SFTPD: variants seen among roughly 807,000 people sequenced by gnomAD.
SFTPD encodes surfactant protein D.
In SFTPD, 18 loss-of-function variants were observed where a neutral mutation model predicts 34.6. The ratio of observed to expected loss-of-function variants is 0.52; its 90% confidence interval spans 0.36 to 0.77. The LOEUF (loss-of-function observed/expected upper bound fraction) is 0.77. Ranked by LOEUF, SFTPD falls within the 30% of genes least tolerant of loss-of-function variation. The pLI is 0.00. For missense variants in SFTPD, 433 were observed against 468.9 expected (o/e 0.92, Z 0.71); for synonymous variants, 155 against 180.9 (o/e 0.86, Z 1.15).
chr10:79,976,279 C>T (rs558241836), intron 1 of SFTPD, among the ~76,000 whole-genome samples: 8 of 152,312 alleles, frequency 5.3e-5, no homozygotes, highest in African/African-American at 1.9e-4. Flanking sequence ...GTGCTGAAAG[C>T]TGGAGTTCAG....
At chr10:79,959,717 C>A (rs1268691637) in intron 1 of SFTPD, among the ~76,000 whole-genome samples, 4 of 152,278 alleles carry the variant, frequency 2.6e-5, no homozygotes, top group African/African-American at 4.8e-5. Flanking sequence ...ACCAGAGGTA[C>A]AAGGAAGAGC....
At position 79,941,396 on chromosome 10, in the gene SFTPD, AC is replaced by A; in HGVS notation, c.667+1del. Reference sequence around the variant, plus strand: ...TCCCTGGGCCAGGAGCTGCTACCTTACCTGGAAGCCCACTTTCTCCCTTTGC... The same window carrying A: ...TCCCTGGGCCAGGAGCTGCTACCTTACTGGAAGCCCACTTTCTCCCTTTGC... On this transcript the variant is annotated splice_donor_variant, in intron 6 of 7. Coordinates refer to ENST00000372292, the MANE Select transcript of SFTPD (RefSeq NM_003019.5). LOFTEE classifies it high-confidence loss of function. 1 of 1,612,506 alleles carries A rather than the reference AC, an allele frequency of 6.2e-7. No individual in the cohort carries two copies. Among genetic ancestry groups the A allele is most frequent in the Non-Finnish European group, 8.5e-7 (1 of 1,178,774 alleles).
Position 79,957,667 on chromosome 10 carries a change from T to C in SFTPD, c.37-11005A>G, listed in dbSNP as rs575446801. Among the ~76,000 whole-genome samples, 408 of 152,264 alleles carry C rather than the reference T, an allele frequency of 2.7e-3. 2 individuals are homozygous for C. Among genetic ancestry groups the C allele is most frequent in the African/African-American group, 9.5e-3 (395 of 41,554 alleles). On this transcript the variant is annotated intron_variant, in intron 1 of 5. Transcript: ENST00000444384. ...GGACTATGTGAAAAGACCAAATCTA[T>C]GTCTGATTGGTGTACCTGAAAGTGA...
At chr10:79,965,872 G>T (rs1589341777) in intron 1 of SFTPD, among the ~76,000 whole-genome samples, 2 of 31,810 alleles carry the variant, frequency 6.3e-5, no homozygotes, top group Non-Finnish European at 1.0e-4. Flanking sequence ...TGAGAATGAT[G>T]GTTTCCAATT....
At chr10:79,970,945 G>A (rs1463095270) in intron 1 of SFTPD, 1 of 152,110 alleles carries the variant, frequency 6.6e-6, no homozygotes, top group Non-Finnish European at 1.5e-5. Flanking sequence ...TCTTGTTCTA[G>A]TTTCTAGAGG....
At chr10:79,940,433 C>T (rs1842599321) in intron 7 of SFTPD, among the ~76,000 whole-genome samples, 2 of 152,214 alleles carry the variant, frequency 1.3e-5, no homozygotes, top group East Asian at 3.9e-4. Context: ...ATAGGGGCCA[C>T]ATCCTCCTCC....
intron 1 of SFTPD, among the ~76,000 whole-genome samples, chr10:79,956,187 G>A (rs2146190): frequency 0.15 from 22,378 of 152,224 alleles, 2,086 homozygotes; most frequent in East Asian, 0.41. Context: ...CAAGATGGCC[G>A]AATAGGAACA....
intron 1 of SFTPD, among the ~76,000 whole-genome samples, chr10:79,957,554 T>C (rs1333761462): frequency 6.6e-6 from 1 of 152,040 alleles, no homozygotes; most frequent in African/African-American, 2.4e-5. Flanking sequence ...GTATCAGTGA[T>C]GGAAGATGAA....
chr10:79,962,725 T>C (rs1357179810), intron 1 of SFTPD, among the ~76,000 whole-genome samples: 2 of 152,178 alleles, frequency 1.3e-5, no homozygotes, highest in African/African-American at 4.8e-5. Flanking sequence ...GAGTTTCCAT[T>C]TTTTAAGGAT....
At position 79,982,106 on chromosome 10, in the gene SFTPD, C is replaced by T. The variant is rs1589345985; in HGVS notation, c.36+469G>A. On this transcript the variant is annotated intron_variant, in intron 1 of 5. Coordinates refer to the SFTPD transcript ENST00000444384. ...GCTGCGCCTTGGCCCTGCCCTCTAGCTCCCGCGCTCGCTCCCGCCCTCCTG... is the reference window on the plus strand; with the variant it reads ...GCTGCGCCTTGGCCCTGCCCTCTAGTTCCCGCGCTCGCTCCCGCCCTCCTG... 10 of 307,002 alleles carry T rather than the reference C, an allele frequency of 3.3e-5. No individual in the cohort carries two copies. The East Asian group carries it at 6.3e-4, about 19-fold the overall frequency. The allele number at this position is 307,002 out of a possible 1,614,324, so 19.0% of individuals were successfully genotyped here.
rs58759979 is a variant in SFTPD, at chr10:79,978,651, C to CAA, written c.36+3922_36+3923dup. 2.2e-3 allele frequency among the ~76,000 whole-genome samples: 112 copies of CAA among 51,962 alleles called. 6 individuals carry two copies. Among genetic ancestry groups the CAA allele is most frequent in the East Asian group, 0.02 (28 of 1,372 alleles). The allele number at this position is 51,962 out of a possible 152,430, so 34.1% of individuals were successfully genotyped here. On this transcript the variant is annotated intron_variant, in intron 1 of 5. Transcript: ENST00000444384. ...TGGGCAGCAGAGTGACACCCTGTCT[C>CAA]AAAAAAAAAAAAAAAAAAAAAAAAA...
chr10:79,974,040 C>CCA (rs112852036), intron 1 of SFTPD, among the ~76,000 whole-genome samples: 2 of 151,948 alleles, frequency 1.3e-5, no homozygotes, highest in African/African-American at 4.8e-5. Context: ...AGACACACAC[C>CCA]CACACACACA....
chr10:79,981,390 G>C (rs1265243098), intron 1 of SFTPD, among the ~76,000 whole-genome samples: 1 of 152,228 alleles, frequency 6.6e-6, no homozygotes, highest in Non-Finnish European at 1.5e-5. Context: ...AGAGTAAAAA[G>C]TTTATTCAAG....
chr10:79,954,808 G>C (rs1356856741), intron 1 of SFTPD, among the ~76,000 whole-genome samples: 2 of 152,200 alleles, frequency 1.3e-5, no homozygotes. Context: ...TGTTGGGAGA[G>C]AAGCCAAGGC....
intron 2 of SFTPD, 115 bp from the exon 3 acceptor site, chr10:79,942,994 C>A: frequency 1.5e-6 from 1 of 679,944 alleles, no homozygotes. Flanking sequence ...GAGACTTCCA[C>A]CGTCACACAC....
intron 1 of SFTPD, among the ~76,000 whole-genome samples, chr10:79,957,486 A>G (rs1307447736): frequency 1.3e-5 from 2 of 152,244 alleles, no homozygotes; most frequent in African/African-American, 2.4e-5. Flanking sequence ...CCAAGGCTCA[A>G]GAACTACGTG....
At chr10:79,952,377 C>G (rs1055942713), upstream of SFTPD, among the ~76,000 whole-genome samples, 11 of 152,136 alleles carry the variant, frequency 7.2e-5, no homozygotes, top group African/African-American at 2.7e-4. Flanking sequence ...GGAGAAGACT[C>G]CCTTTCCATG....
chr10:79,978,886 T>A (rs996779365), intron 1 of SFTPD, among the ~76,000 whole-genome samples: 22 of 151,086 alleles, frequency 1.5e-4, no homozygotes, highest in East Asian at 7.7e-4. Context: ...GGCACCCAAA[T>A]GAAAGAAAGA....
chr10:79,948,244 T>C (rs1842685615), intron 1 of SFTPD, among the ~76,000 whole-genome samples: 1 of 152,178 alleles, frequency 6.6e-6, no homozygotes, highest in Non-Finnish European at 1.5e-5. Context: ...AGCAAGGGCA[T>C]TGTTCTGTGC....
Sources: gnomAD v4.1 joint callset for allele counts (sites outside exome capture counted in the v4.1 genomes callset) on GRCh38, gnomAD v4.1.1 for gene constraint, MANE v1.5 for transcripts, NCBI Gene and HGNC (gene_info 2026-07-23, HGNC 2026-07-21) for gene names.